The following PRKG1 variants were observed in gnomAD, a reference collection of about 807,000 sequenced individuals.
The protein encoded by PRKG1 is cGMP-dependent protein kinase 1.
In PRKG1, 35 loss-of-function variants were observed where a neutral mutation model predicts 88.1. The ratio of observed to expected loss-of-function variants is 0.40; its 90% CI spans 0.30 to 0.53. The LOEUF is 0.53. PRKG1 is among the 20% of genes least tolerant of loss of function. The probability of loss-of-function intolerance (pLI) is 0.59; values close to 1 mark genes in which losing one functional copy is unlikely to be tolerated. For synonymous variants in PRKG1, 303 were observed against 292.5 expected, an observed-to-expected ratio of 1.04 and a Z score of -0.37; for missense variants, 540 against 839.8, an observed-to-expected ratio of 0.64 and a Z score of 4.41.
In PRKG1 at chr10:52,166,660, C is replaced by T. The variant is rs557845018; in HGVS notation, c.1076+4697C>T. On this transcript the variant is annotated intron_variant, in intron 9 of 17. Coordinates refer to ENST00000373980, the MANE Select transcript of PRKG1 (RefSeq NM_006258.4). ...TTGCCTTATAAAATTCATAATGATCCAGAAATATAAAAAAATTAAATACTT... is the reference window on the plus strand; with the variant it reads ...TTGCCTTATAAAATTCATAATGATCTAGAAATATAAAAAAATTAAATACTT... Among the ~76,000 whole-genome samples the T allele has an allele frequency of 4.1e-5, 6 of 146,520 alleles. No homozygotes were observed. The South Asian group carries it at 1.1e-3, about 26-fold the overall frequency.
At chr10:51,987,309 A>T (rs1398393210) in intron 5 of PRKG1, among the ~76,000 whole-genome samples, 1 of 151,812 alleles carries the variant, frequency 6.6e-6, no homozygotes, top group Non-Finnish European at 1.5e-5. Flanking sequence ...ATTAAAAAAA[A>T]ATTCGAGGGT....
chr10:51,967,165 G>A (rs1390977808), intron 5 of PRKG1, among the ~76,000 whole-genome samples: 1 of 152,138 alleles, frequency 6.6e-6, no homozygotes, highest in Non-Finnish European at 1.5e-5. Context: ...CAACCCAAAT[G>A]TCCAATAATG....
intron 1 of PRKG1, among the ~76,000 whole-genome samples, chr10:51,142,313 A>C (rs188942422): frequency 2.0e-5 from 3 of 152,302 alleles, no homozygotes; most frequent in African/African-American, 7.2e-5. Flanking sequence ...AAGGGGATCT[A>C]TGAATGAACT....
At chr10:51,850,262 T>C (rs146765283) in intron 4 of PRKG1, among the ~76,000 whole-genome samples, 2,089 of 152,270 alleles carry the variant, frequency 0.014, 53 homozygotes, top group African/African-American at 0.048. Context: ...CTGCAAACTC[T>C]GCATCCCGGG....
intron 1 of PRKG1, among the ~76,000 whole-genome samples, chr10:51,016,339 C>T (rs1056019112): frequency 6.6e-6 from 1 of 152,118 alleles, no homozygotes; most frequent in Non-Finnish European, 1.5e-5. Flanking sequence ...TCACCAGTGG[C>T]CCTCTGTTGC....
chr10:51,001,677 A>G (rs1281392146), intron 1 of PRKG1, among the ~76,000 whole-genome samples: 1 of 152,182 alleles, frequency 6.6e-6, no homozygotes, highest in Non-Finnish European at 1.5e-5. Context: ...TGGCTTAAGA[A>G]AGGGAATCCT....
chr10:50,991,313 C>CGCT lies in PRKG1; in HGVS notation c.-64_-63insTGC, dbSNP rs1842778784. 1 of 802,924 alleles carries CGCT rather than the reference C, an allele frequency of 1.2e-6. No individual in the cohort carries two copies. 49.7% of individuals were successfully genotyped at this position (802,924 alleles called of 1,614,324 possible). ...CTCCGCTGCCGGCTGCCGTCCCAGC[C>CGCT]GCCGCCGCCGCCGCCGCCGCCGCCG... On this transcript the variant is annotated 5_prime_UTR_variant, in exon 1 of 18. Transcript: ENST00000401604. This position sits in a 1 kb window ranked among gnomAD's most constrained non-coding sequence, Gnocchi z 4.5.
chr10:52,251,811 G>A, intron 10 of PRKG1, 145 bp downstream of exon 10: 1 of 672,812 alleles, frequency 1.5e-6, no homozygotes, highest in Non-Finnish European at 2.4e-6. Flanking sequence ...ATACTTTGCG[G>A]CAGACATGTC....
intron 3 of PRKG1, among the ~76,000 whole-genome samples, chr10:51,571,250 A>G (rs966008482): frequency 6.6e-6 from 1 of 151,960 alleles, no homozygotes; most frequent in African/African-American, 2.4e-5. Flanking sequence ...AATCATTATT[A>G]TAATTCTCAT....
intron 3 of PRKG1, among the ~76,000 whole-genome samples, chr10:51,693,763 A>T (rs1470240045): frequency 1.3e-5 from 2 of 152,196 alleles, no homozygotes; most frequent in Non-Finnish European, 2.9e-5. Flanking sequence ...TTGTTGTAGA[A>T]TAATATCAAG....
At position 51,694,036 on chromosome 10, in the gene PRKG1, C is replaced by T. The variant is rs1218840444; in HGVS notation, c.593-110549C>T. Among the ~76,000 whole-genome samples the T allele has an allele frequency of 4.6e-5, 7 of 151,622 alleles. No homozygotes were observed. The South Asian group carries it at 1.0e-3, about 23-fold the overall frequency. On this transcript the variant is annotated intron_variant, in intron 3 of 17. Coordinates refer to ENST00000373980, the MANE Select transcript of PRKG1 (RefSeq NM_006258.4). ...ATACTTACAATATATTAATGATGTC[C>T]GTAATATGAATTAGTTCTTAACCAG... is the stretch of plus-strand genomic sequence containing the variant.
intron 2 of PRKG1, among the ~76,000 whole-genome samples, chr10:51,198,560 G>A (rs1837832172): frequency 6.6e-6 from 1 of 152,174 alleles, no homozygotes; most frequent in Admixed American, 6.5e-5. Context: ...CTAGAGCAGT[G>A]CTTTTATGTA....
chr10:51,792,444 A>G (rs1786416435), intron 3 of PRKG1, among the ~76,000 whole-genome samples: 1 of 152,038 alleles, frequency 6.6e-6, no homozygotes, highest in South Asian at 2.1e-4. Flanking sequence ...CAGTCAATTC[A>G]CAGCCTCCAT....
At chr10:51,020,193 G>A (rs908174667) in intron 1 of PRKG1, among the ~76,000 whole-genome samples, 6 of 152,112 alleles carry the variant, frequency 3.9e-5, no homozygotes, top group Non-Finnish European at 7.4e-5. Context: ...ATGGAGACAG[G>A]GTTTTGCCAT....
intron 7 of PRKG1, among the ~76,000 whole-genome samples, chr10:52,121,807 T>C (rs1847824817): frequency 6.6e-6 from 1 of 152,200 alleles, no homozygotes; most frequent in Non-Finnish European, 1.5e-5. Context: ...AGTTTCTCCC[T>C]ACAGCTCCTG....
intron 3 of PRKG1, among the ~76,000 whole-genome samples, chr10:51,612,143 A>C (rs897725230): frequency 6.6e-6 from 1 of 151,990 alleles, no homozygotes; most frequent in Non-Finnish European, 1.5e-5. Context: ...TTTCATAAAC[A>C]TTTGAAAGAT....
chr10:51,325,442 G>A (rs1332825368), intron 2 of PRKG1, among the ~76,000 whole-genome samples: 2 of 152,064 alleles, frequency 1.3e-5, no homozygotes, highest in South Asian at 2.1e-4. Context: ...CAAGTGAAAC[G>A]CCTGCCTCAT....
intron 5 of PRKG1, among the ~76,000 whole-genome samples, chr10:51,940,376 C>A (rs1411207289): frequency 6.6e-6 from 1 of 151,876 alleles, no homozygotes; most frequent in East Asian, 1.9e-4. Context: ...ACGTACTTTT[C>A]TCCAAAGGTT....
intron 2 of PRKG1, among the ~76,000 whole-genome samples, chr10:51,315,682 C>G (rs980112552): frequency 6.6e-6 from 1 of 152,140 alleles, no homozygotes; most frequent in Non-Finnish European, 1.5e-5. Context: ...AAAGATAATT[C>G]AGTTGTGGGC....
Sources: allele counts gnomAD v4.1 joint callset (sites outside exome capture counted in the v4.1 genomes callset), GRCh38; gene constraint gnomAD v4.1.1; non-coding constraint Gnocchi (gnomAD v3.1); transcripts MANE v1.5; gene names NCBI Gene and HGNC (gene_info 2026-07-23, HGNC 2026-07-21).